Variants in WWOX observed in about 807,000 individuals in gnomAD.
The protein encoded by WWOX is WW domain containing oxidoreductase, also known as WW domain-containing oxidoreductase.
A neutral mutation model predicts 46.2 loss-of-function variants in WWOX; 69 were observed. The observed-to-expected ratio is 1.49, with a 90% CI of 1.23 to 1.82. The LOEUF (loss-of-function observed/expected upper bound fraction) is 1.82, where lower values mean the gene tolerates loss of function less well. Among genes scored for constraint, WWOX ranks in the 40% most tolerant of loss-of-function variants. WWOX has a pLI of 0.00. For synonymous variants in WWOX, 359 were observed against 202.6 expected, an observed-to-expected ratio of 1.77 and a Z score of -6.56; for missense variants, 919 against 542.6, an observed-to-expected ratio of 1.69 and a Z score of -6.89.
At chr16:79,056,884 T>C (rs2048272913) in intron 8 of WWOX, among the ~76,000 whole-genome samples, 1 of 152,234 alleles carries the variant, frequency 6.6e-6, no homozygotes, top group South Asian at 2.1e-4. Context: ...TCAGGCAGGC[T>C]GGGCACTTCA....
chr16:78,504,239 A>T (rs1256112024), intron 8 of WWOX, among the ~76,000 whole-genome samples: 4 of 152,352 alleles, frequency 2.6e-5, no homozygotes, highest in African/African-American at 7.2e-5. Context: ...ATATATTAGG[A>T]AATGGCTCTT....
chr16:78,191,855 C>G (rs2035893406), intron 5 of WWOX, among the ~76,000 whole-genome samples: 2 of 152,144 alleles, frequency 1.3e-5, no homozygotes, highest in Admixed American at 1.3e-4. Context: ...AGTAACTTTC[C>G]TCAGGAGTGA....
intron 8 of WWOX, among the ~76,000 whole-genome samples, chr16:78,809,025 GT>G (rs1311130000): frequency 6.6e-6 from 1 of 152,068 alleles, no homozygotes; most frequent in Non-Finnish European, 1.5e-5. Context: ...GGCCTCACAG[GT>G]TGCAGGCTTC....
chr16:78,633,671 C>T (rs1481044751), intron 8 of WWOX, among the ~76,000 whole-genome samples: 2 of 152,186 alleles, frequency 1.3e-5, no homozygotes, highest in Non-Finnish European at 1.5e-5. Flanking sequence ...GCAACTTGTG[C>T]TACCTCCTGC....
At chr16:78,632,242 C>T (rs1036482347) in intron 8 of WWOX, among the ~76,000 whole-genome samples, 1 of 152,108 alleles carries the variant, frequency 6.6e-6, no homozygotes, top group East Asian at 1.9e-4. Context: ...GGGGTTAATA[C>T]TACTAGTATT....
intron 8 of WWOX, among the ~76,000 whole-genome samples, chr16:78,676,390 C>T (rs1363120159): frequency 6.7e-6 from 1 of 148,872 alleles, no homozygotes; most frequent in Non-Finnish European, 1.5e-5. Context: ...ATTAACAGCC[C>T]TCCATATTTA....
chr16:78,434,720 A>G (rs1041026674), intron 8 of WWOX, among the ~76,000 whole-genome samples: 1 of 152,118 alleles, frequency 6.6e-6, no homozygotes, highest in African/African-American at 2.4e-5. Context: ...AATCAGAGGA[A>G]CGGGATGGGA....
chr16:78,713,545 G>T (rs929434364), intron 8 of WWOX, among the ~76,000 whole-genome samples: 3 of 152,080 alleles, frequency 2.0e-5, no homozygotes, highest in African/African-American at 7.2e-5. Flanking sequence ...GAGGTTGCTT[G>T]GATGGTCCCT....
intron 5 of WWOX, among the ~76,000 whole-genome samples, chr16:78,175,026 T>TAATAAG (rs200993121): frequency 2.1e-5 from 3 of 146,340 alleles, no homozygotes; most frequent in South Asian, 4.2e-4. Context: ...ATAATAATAA[T>TAATAAG]AATAAGAATC....
At chr16:78,814,153 C>T (rs1355034757) in intron 8 of WWOX, among the ~76,000 whole-genome samples, 1 of 152,224 alleles carries the variant, frequency 6.6e-6, no homozygotes, top group Non-Finnish European at 1.5e-5. Context: ...GATCCTCCCG[C>T]TGCCGGCAAG....
chr16:79,074,634 C>G (rs2048620369), intron 8 of WWOX, among the ~76,000 whole-genome samples: 1 of 151,668 alleles, frequency 6.6e-6, no homozygotes, highest in South Asian at 2.1e-4. Flanking sequence ...CTAAGAGTCT[C>G]CATGAGGATT....
intron 8 of WWOX, among the ~76,000 whole-genome samples, chr16:78,461,035 C>T (rs529763362): frequency 2.0e-5 from 3 of 152,216 alleles, no homozygotes; most frequent in African/African-American, 4.8e-5. Context: ...ACATCTGACA[C>T]AGTGTTGGTG....
chr16:78,757,637 A>G (rs555270038), intron 8 of WWOX, among the ~76,000 whole-genome samples: 3 of 152,170 alleles, frequency 2.0e-5, no homozygotes, highest in South Asian at 4.1e-4. Flanking sequence ...TATATGAATG[A>G]ATACATTTTA....
At chr16:78,158,624 T>C (rs1430823254) in intron 4 of WWOX, among the ~76,000 whole-genome samples, 1 of 152,216 alleles carries the variant, frequency 6.6e-6, no homozygotes, top group Non-Finnish European at 1.5e-5. Context: ...TTTACCTGTA[T>C]TGTAAATTCA....
chr16:78,749,648 C>G (rs1023066288), intron 8 of WWOX, among the ~76,000 whole-genome samples: 1 of 152,104 alleles, frequency 6.6e-6, no homozygotes, highest in African/African-American at 2.4e-5. Context: ...GAAGTGTTTT[C>G]TGGTCTAGCT....
intron 8 of WWOX, among the ~76,000 whole-genome samples, chr16:78,576,123 T>A (rs541543341): frequency 2.0e-5 from 3 of 152,174 alleles, no homozygotes; most frequent in African/African-American, 7.2e-5. Context: ...TACCGTTGCA[T>A]AGAATGACTC....
intron 8 of WWOX, among the ~76,000 whole-genome samples, chr16:78,768,637 G>A (rs1329433177): frequency 6.6e-6 from 1 of 151,606 alleles, no homozygotes; most frequent in East Asian, 1.9e-4. Context: ...TTTCTAAATA[G>A]ATTTCCTTTA....
At chr16:78,881,735 A>G (rs2044347354) in intron 8 of WWOX, among the ~76,000 whole-genome samples, 2 of 152,106 alleles carry the variant, frequency 1.3e-5, no homozygotes, top group South Asian at 2.1e-4. Context: ...ATGATCAATG[A>G]TTTTCTTTCT....
At chr16:78,281,894 G>C in intron 5 of WWOX, among the ~76,000 whole-genome samples, 1 of 152,290 alleles carries the variant, frequency 6.6e-6, no homozygotes, top group Middle Eastern at 3.4e-3. Context: ...TAATCCCTTA[G>C]TTTTGATGAT....
Sources: allele counts gnomAD v4.1 joint callset (sites outside exome capture counted in the v4.1 genomes callset), GRCh38; gene constraint gnomAD v4.1.1; transcripts MANE v1.5; gene names NCBI Gene and HGNC (gene_info 2026-07-23, HGNC 2026-07-21).